Variants in KCTD19 observed in about 807,000 individuals in gnomAD.
KCTD19 encodes the protein BTB/POZ domain-containing protein KCTD19.
KCTD19 carries 67 observed loss-of-function variants against 103.5 expected under a neutral mutation model. That is an observed-to-expected ratio of 0.65 (90% CI 0.53 to 0.79). The LOEUF is 0.79. Among genes scored for constraint, KCTD19 ranks in the 30% least tolerant of loss-of-function variants. The pLI is 0.00. For synonymous variants in KCTD19, 439 were observed against 452.2 expected (o/e 0.97, Z 0.37); for missense variants, 980 against 1,136.1 (o/e 0.86, Z 1.98).
rs1243071047 is a variant in KCTD19 at position 67,303,904 on chromosome 16, C to G, written c.451+517G>C. On this transcript the variant is annotated intron_variant, in intron 3 of 15. Coordinates refer to ENST00000304372, the MANE Select transcript of KCTD19 (RefSeq NM_001100915.3). This position sits in a 1 kb window ranked among gnomAD's most constrained non-coding sequence, Gnocchi z 4.3. ...GGCAGTGGGACATGTGACATTTTGACTTATGTATCCAAAGTCATTAAATTC... is the reference window on the plus strand; with the variant it reads ...GGCAGTGGGACATGTGACATTTTGAGTTATGTATCCAAAGTCATTAAATTC... Among the ~76,000 whole-genome samples the G allele has an allele frequency of 6.6e-6, 1 of 152,184 alleles. No homozygotes were observed. Among genetic ancestry groups the G allele is most frequent in the Non-Finnish European group, 1.5e-5 (1 of 68,046 alleles).
intron 10 of KCTD19, 91 bp from the exon 11 acceptor site, chr16:67,294,785 A>G (rs2036745706): frequency 9.5e-7 from 1 of 1,048,890 alleles, no homozygotes; most frequent in African/African-American, 1.6e-5. Context: ...CTGGGAGTTA[A>G]TGCTAGACAG....
intron 1 of KCTD19, among the ~76,000 whole-genome samples, chr16:67,326,356 T>C (rs2037169131): frequency 6.6e-6 from 1 of 151,280 alleles, no homozygotes; most frequent in South Asian, 2.1e-4. Flanking sequence ...GTCCCCACGC[T>C]CCAATCCTTC....
Position 67,297,624 on chromosome 16 carries a change from G to C in KCTD19, c.1026C>G (p.Thr342=). The C allele has an allele frequency of 1.2e-6, 2 of 1,614,074 alleles. No homozygotes were observed. The highest frequency in any genetic ancestry group is 1.3e-5 in the African/African-American group (1 of 75,026). ...LGTCRLPLTE[T]ISEVYELCAF... ...CACAGAGCTCATATACCTCGGAAAT[G>C]GTCTCTGTCAGGGGCAGCCGGCAAG... is the stretch of plus-strand genomic sequence containing the variant. The change falls in exon 7 of 16, where the codon ACC becomes ACG. Residue 342 remains threonine (T), a synonymous_variant. Transcript: ENST00000304372.
chr16:67,320,111 G>A lies in KCTD19; in HGVS notation c.300+478C>T, dbSNP rs184285172. 5.9e-5 allele frequency among the ~76,000 whole-genome samples: 9 copies of A among 152,278 alleles called. No individual in the cohort carries two copies. The highest frequency in any genetic ancestry group is 2.1e-4 in the South Asian group (1 of 4,826). Reference sequence around the variant, plus strand: ...AATCATTTATTAAGAACATATAGGCGGGGTGTAGTGGCTCATGCCGGTAAT... The same window carrying A: ...AATCATTTATTAAGAACATATAGGCAGGGTGTAGTGGCTCATGCCGGTAAT... On this transcript the variant is annotated intron_variant, in intron 2 of 15. Coordinates refer to ENST00000304372, the MANE Select transcript of KCTD19 (RefSeq NM_001100915.3). This position sits in a 1 kb window ranked among gnomAD's most constrained non-coding sequence, Gnocchi z 4.0.
chr16:67,298,032 C>T (rs1168652476), intron 6 of KCTD19, among the ~76,000 whole-genome samples: 2 of 134,156 alleles, frequency 1.5e-5, no homozygotes, highest in East Asian at 4.4e-4. Context: ...CTAACTCTGT[C>T]ACCCAGGCTG....
chr16:67,290,617 G>A (rs2036675571), intron 15 of KCTD19, among the ~76,000 whole-genome samples: 1 of 152,256 alleles, frequency 6.6e-6, no homozygotes, highest in South Asian at 2.1e-4. Context: ...TATGATATGT[G>A]TCCCTAAGTG....
chr16:67,315,299 T>C (rs2036998696), intron 2 of KCTD19, among the ~76,000 whole-genome samples: 1 of 151,942 alleles, frequency 6.6e-6, no homozygotes, highest in South Asian at 2.1e-4. Flanking sequence ...GTATTAGCGT[T>C]TAACTATTCC....
chr16:67,291,321 G>A lies in KCTD19; in HGVS notation c.2553C>T (p.Ala851=). 1 of 1,613,596 alleles carries A rather than the reference G, an allele frequency of 6.2e-7. No homozygotes were observed. The highest frequency in any genetic ancestry group is 2.2e-5 in the East Asian group (1 of 44,888). Residue 851 remains alanine (A), a synonymous_variant, in exon 14 of 16, where the codon GCC becomes GCT. Transcript: ENST00000304372. The part of the protein sequence containing the change: ...KAITAKVVSL[A]NRLWTLHISP... ...CTGTCACACATACCCACAGCCGATT[G>A]GCCAGGGAGACCACCTTGGCTGTGA...
rs145748469 is a variant in KCTD19 at position 67,295,147 on chromosome 16, C to A, written c.1392-91G>T. 189 of 1,563,174 alleles carry A rather than the reference C, an allele frequency of 1.2e-4. No individual in the cohort carries two copies. In the African/African-American group the frequency reaches 2.1e-3, roughly 18 times the overall value. On this transcript the variant is annotated intron_variant, in intron 9 of 15. Coordinates refer to ENST00000304372, the MANE Select transcript of KCTD19 (RefSeq NM_001100915.3). ...CCTGGAACTGCCGCTGCCAACAGTT[C>A]CCACGATGGAAATAAAATAACCTCC...
Position 67,299,458 on chromosome 16 carries a change from G to A in KCTD19, c.891C>T (p.Tyr297=), listed in dbSNP as rs532146895. Residue 297 remains tyrosine (Y), a synonymous_variant, in exon 6 of 16, where the codon TAC becomes TAT. Transcript: ENST00000304372. ...YTMALGLLVK[Y]PDSALGQLRI... ...GAAGCTGGCCCAGCGCAGAGTCCGG[G>A]TACTTGACCAGCAGACCCAGGGCCA... 2 of 1,614,238 alleles carry A rather than the reference G, an allele frequency of 1.2e-6. No homozygotes were observed. The highest frequency in any genetic ancestry group is 1.7e-5 in the Admixed American group (1 of 60,020).
chr16:67,299,685 G>C, intron 5 of KCTD19, 112 bp from the exon 6 acceptor site: 1 of 814,742 alleles, frequency 1.2e-6, no homozygotes, highest in Non-Finnish European at 1.9e-6. Flanking sequence ...AGGCTCAGAG[G>C]AAGGATATTT....
chr16:67,296,214 A>C lies in KCTD19; in HGVS notation c.1193T>G (p.Ile398Ser). Residue 398 changes from isoleucine to serine, a missense_variant, in exon 8 of 16, where the codon ATC becomes AGC. Ile to Ser is a moderately radical substitution (Grantham distance 142). Coordinates refer to ENST00000304372, the MANE Select transcript of KCTD19 (RefSeq NM_001100915.3). ...EITVYSPQQI[I>S]KVYVGSHWYA... ...CCAGTGGCTTCCAACATACACTTTGATGATCTGTTGTGGGGAATACACAGT... is the reference window on the plus strand; with the variant it reads ...CCAGTGGCTTCCAACATACACTTTGCTGATCTGTTGTGGGGAATACACAGT... The C allele has an allele frequency of 6.2e-7, 1 of 1,613,884 alleles. No individual in the cohort carries two copies. The highest frequency in any genetic ancestry group is 8.5e-7 in the Non-Finnish European group (1 of 1,179,764).
chr16:67,321,820 C>T (rs746500394), intron 1 of KCTD19: 2 of 152,226 alleles, frequency 1.3e-5, no homozygotes, highest in African/African-American at 2.4e-5. Flanking sequence ...GACTGGTCCT[C>T]CTTTATTGGG....
chr16:67,293,582 G>A lies in KCTD19; in HGVS notation c.2180C>T (p.Thr727Ile). ...CCTCTGCTTGCTCCAGTCCTTCAGG[G>A]TGCCAGCTCTTTTTGGGGGTAAGTA... ...KPYLPPKRAG[T>I]LKDWSKQRTK... Residue 727 changes from threonine (T) to isoleucine (I), a missense_variant, in exon 12 of 16, where the codon ACC becomes ATC. Physicochemically the swap from Thr to Ile is moderately conservative, Grantham distance 89. Coordinates refer to ENST00000304372, the MANE Select transcript of KCTD19 (RefSeq NM_001100915.3). The surrounding 1 kb of genome is among the most constrained non-coding windows in gnomAD (Gnocchi z 4.0). 8 of 1,614,074 alleles carry A rather than the reference G, an allele frequency of 5.0e-6. No individual in the cohort carries two copies. Among genetic ancestry groups the A allele is most frequent in the Non-Finnish European group, 6.8e-6 (8 of 1,180,030 alleles).
At chr16:67,290,167 CTTTTTTTTTTT>C (rs11296444) in intron 15 of KCTD19, among the ~76,000 whole-genome samples, 3 of 69,314 alleles carry the variant, frequency 4.3e-5, no homozygotes, top group East Asian at 9.9e-4. Context: ...TGAATATTTT[CTTTTTTTTTTT>C]TTTTTTTTTT....
intron 1 of KCTD19, among the ~76,000 whole-genome samples, chr16:67,321,181 T>C (rs1420468121): frequency 6.6e-6 from 1 of 152,114 alleles, no homozygotes; most frequent in Non-Finnish European, 1.5e-5. Context: ...AGCAAGATCC[T>C]GTCTCAAAAA....
intron 2 of KCTD19, among the ~76,000 whole-genome samples, chr16:67,319,180 G>GT (rs2037045179): frequency 6.6e-6 from 1 of 151,368 alleles, no homozygotes; most frequent in Non-Finnish European, 1.5e-5. Context: ...CCGAGATGGC[G>GT]CCATTGCACT....
rs758579090 is a variant in KCTD19, at chr16:67,297,551, A to G, written c.1099T>C (p.Leu367=). The G allele has an allele frequency of 1.5e-5, 25 of 1,614,016 alleles. No homozygotes were observed. Among genetic ancestry groups the G allele is most frequent in the Non-Finnish European group, 2.0e-5 (24 of 1,180,024 alleles). The change falls in exon 7 of 16, where the codon TTG becomes CTG. Residue 367 remains leucine (L), a synonymous_variant. Coordinates refer to ENST00000304372, the MANE Select transcript of KCTD19 (RefSeq NM_001100915.3). ...GTCCTTGGCTCCAGATGAGTCTTCA[A>G]AGCAACTTTGATTGGCTCGTAGGTG... is the stretch of plus-strand genomic sequence containing the variant. The part of the protein sequence containing the change: ...DITYEPIKVA[L]KTHLEPRTLA...
At position 67,289,589 on chromosome 16, in the gene KCTD19, T is replaced by C. The variant is rs1182417662; in HGVS notation, c.2761A>G (p.Lys921Glu). Reference sequence around the variant, plus strand: ...GCACCCTAGTCCTCTTGTAGGTACTTTCCCAGGATGGAGTAAGAGACAGAC... The same window carrying C: ...GCACCCTAGTCCTCTTGTAGGTACTCTCCCAGGATGGAGTAAGAGACAGAC... ...SRSVSYSILGKYLQED is the reference protein window; with the variant it reads ...SRSVSYSILGEYLQED The change falls in exon 16 of 16, where the codon AAG becomes GAG. Residue 921 changes from lysine (K) to glutamate (E), a missense_variant. Transcript: ENST00000304372. 6.2e-7 allele frequency: 1 copy of C among 1,613,204 alleles called. No individual in the cohort carries two copies. Among genetic ancestry groups the C allele is most frequent in the South Asian group, 1.1e-5 (1 of 91,054 alleles).
Sources: gnomAD v4.1 joint callset for allele counts (sites outside exome capture counted in the v4.1 genomes callset) on GRCh38, gnomAD v4.1.1 for gene constraint, Gnocchi (gnomAD v3.1) non-coding constraint, MANE v1.5 for transcripts, NCBI Gene and HGNC (gene_info 2026-07-23, HGNC 2026-07-21) for gene names.